The following LRP1B variants were observed in gnomAD, a reference collection of about 807,000 sequenced individuals.
LRP1B encodes the protein LDL receptor related protein 1B.
Under a neutral mutation model 556.6 loss-of-function variants are expected in LRP1B, and 217 were observed. The observed-to-expected ratio is 0.39, with a 90% CI of 0.35 to 0.44. The LOEUF (loss-of-function observed/expected upper bound fraction) is 0.44, where lower values mean the gene tolerates loss of function less well. LRP1B is among the 20% of genes least tolerant of loss of function. The pLI, the probability that LRP1B is intolerant of heterozygous loss-of-function variation, is 1.00. For synonymous variants in LRP1B, 2,047 were observed against 1,865.8 expected (o/e 1.10, Z -2.50); for missense variants, 5,053 against 5,620.8 (o/e 0.90, Z 3.23).
At chr2:140,606,915 C>T (rs569449307) in intron 41 of LRP1B, among the ~76,000 whole-genome samples, 17 of 151,722 alleles carry the variant, frequency 1.1e-4, no homozygotes. Flanking sequence ...TTAAACATGA[C>T]ACAAAAAATA....
At chr2:140,611,363 T>A (rs1174749536) in intron 41 of LRP1B, among the ~76,000 whole-genome samples, 1 of 152,152 alleles carries the variant, frequency 6.6e-6, no homozygotes, top group Non-Finnish European at 1.5e-5. Context: ...GGAGAAGTGG[T>A]GAGACTACTC....
intron 2 of LRP1B, among the ~76,000 whole-genome samples, chr2:141,805,109 G>A (rs1218515640): frequency 6.6e-6 from 1 of 152,062 alleles, no homozygotes; most frequent in Non-Finnish European, 1.5e-5. Context: ...AACCCATTCT[G>A]GTGAAAGAGA....
At chr2:141,356,978 C>A (rs1376877123) in intron 3 of LRP1B, among the ~76,000 whole-genome samples, 1 of 152,090 alleles carries the variant, frequency 6.6e-6, no homozygotes, top group Non-Finnish European at 1.5e-5. Context: ...TCATTTGGCC[C>A]AATCAACAAC....
chr2:140,753,575 A>G (rs1688652973), intron 35 of LRP1B, among the ~76,000 whole-genome samples: 1 of 152,194 alleles, frequency 6.6e-6, no homozygotes, highest in African/African-American at 2.4e-5. Flanking sequence ...TTAAAAATAA[A>G]TCTCTAAAAC....
At chr2:140,488,209 G>T (rs538973026) in intron 57 of LRP1B, among the ~76,000 whole-genome samples, 1 of 151,970 alleles carries the variant, frequency 6.6e-6, no homozygotes, top group Non-Finnish European at 1.5e-5. Flanking sequence ...AGAAGAGAAG[G>T]TATAGAAATT....
At chr2:141,055,011 C>A in intron 10 of LRP1B, 105 bp downstream of exon 10, 1 of 1,249,230 alleles carries the variant, frequency 8.0e-7, no homozygotes, top group African/African-American at 1.5e-5. Context: ...CAAACTTCAC[C>A]TGTTGAAGTC....
At chr2:140,717,940 C>A (rs536441912) in intron 35 of LRP1B, among the ~76,000 whole-genome samples, 1 of 152,134 alleles carries the variant, frequency 6.6e-6, no homozygotes, top group South Asian at 2.1e-4. Context: ...GATACCCTAT[C>A]CAAATATATG....
At chr2:142,076,159 T>G (rs1449837525) in intron 1 of LRP1B, among the ~76,000 whole-genome samples, 3 of 152,108 alleles carry the variant, frequency 2.0e-5, no homozygotes, top group African/African-American at 7.2e-5. Flanking sequence ...ACCATTTTCT[T>G]AATAGGAAGA....
intron 1 of LRP1B, among the ~76,000 whole-genome samples, chr2:142,090,383 GAA>G (rs1271703079): frequency 6.6e-6 from 1 of 151,960 alleles, no homozygotes; most frequent in East Asian, 1.9e-4. Context: ...TTTTACAGAT[GAA>G]AAAGTCTTCT....
chr2:141,494,354 C>T (rs1683442439), intron 2 of LRP1B, among the ~76,000 whole-genome samples: 1 of 152,040 alleles, frequency 6.6e-6, no homozygotes, highest in African/African-American at 2.4e-5. Context: ...AGGATGGATA[C>T]CACCTGGTAA....
chr2:141,205,077 G>A (rs1682212744), intron 6 of LRP1B, among the ~76,000 whole-genome samples: 1 of 152,074 alleles, frequency 6.6e-6, no homozygotes, highest in South Asian at 2.1e-4. Context: ...TTTACATATG[G>A]TAATACACTT....
intron 41 of LRP1B, among the ~76,000 whole-genome samples, chr2:140,639,740 A>G (rs1489299792): frequency 6.6e-6 from 1 of 152,106 alleles, no homozygotes; most frequent in Admixed American, 6.5e-5. Context: ...TAGCTTCCAA[A>G]TGTTATCTAG....
At chr2:141,770,332 T>C (rs1694861385) in intron 2 of LRP1B, among the ~76,000 whole-genome samples, 1 of 152,208 alleles carries the variant, frequency 6.6e-6, no homozygotes, top group Non-Finnish European at 1.5e-5. Flanking sequence ...TTATTCTCAC[T>C]TTAATGGTTA....
At chr2:141,150,867 G>GTT (rs1491325926) in intron 7 of LRP1B, among the ~76,000 whole-genome samples, 1 of 97,128 alleles carries the variant, frequency 1.0e-5, no homozygotes, top group Non-Finnish European at 2.4e-5. Context: ...TGTCATGCTG[G>GTT]TTTGTGTGTG....
At chr2:140,241,852 C>T (rs904279964) in intron 87 of LRP1B, among the ~76,000 whole-genome samples, 1 of 150,744 alleles carries the variant, frequency 6.6e-6, no homozygotes, top group African/African-American at 2.4e-5. Context: ...TGATCAATCC[C>T]TATTGCAGGT....
At chr2:141,236,747 T>G (rs1683659448) in intron 5 of LRP1B, among the ~76,000 whole-genome samples, 1 of 152,078 alleles carries the variant, frequency 6.6e-6, no homozygotes, top group Admixed American at 6.6e-5. Flanking sequence ...GTTAAGAGAA[T>G]GGAAAAGATA....
At chr2:141,742,177 C>A (rs1335274295) in intron 2 of LRP1B, among the ~76,000 whole-genome samples, 2 of 151,222 alleles carry the variant, frequency 1.3e-5, no homozygotes, top group African/African-American at 2.4e-5. Context: ...CAGTACCATG[C>A]CATCGTAGTT....
intron 42 of LRP1B, among the ~76,000 whole-genome samples, chr2:140,599,459 T>C (rs1682569036): frequency 6.6e-6 from 1 of 152,094 alleles, no homozygotes; most frequent in Non-Finnish European, 1.5e-5. Context: ...GTATCTGTTC[T>C]CTATGGATTC....
At chr2:141,782,085 T>C (rs185569699) in intron 2 of LRP1B, among the ~76,000 whole-genome samples, 27 of 152,276 alleles carry the variant, frequency 1.8e-4, no homozygotes, top group Non-Finnish European at 2.9e-4. Flanking sequence ...GCTTGTCTTG[T>C]GATACTTAAA....
Sources: gnomAD v4.1 joint callset for allele counts (sites outside exome capture counted in the v4.1 genomes callset) on GRCh38, gnomAD v4.1.1 for gene constraint, MANE v1.5 for transcripts, NCBI Gene and HGNC (gene_info 2026-07-23, HGNC 2026-07-21) for gene names.